The following ATP9A variants were observed in gnomAD, a reference collection of about 807,000 sequenced individuals.
ATP9A encodes ATPase phospholipid transporting 9A, also known as probable phospholipid-transporting ATPase IIA.
Under a neutral mutation model 144.1 loss-of-function variants are expected in ATP9A, and 52 were observed. The observed-to-expected ratio is 0.36, with a 90% CI of 0.29 to 0.45. The LOEUF is 0.45. Among genes scored for constraint, ATP9A ranks in the 20% least tolerant of loss-of-function variants. ATP9A has a pLI of 1.00. For synonymous variants in ATP9A, 582 were observed against 557.4 expected (o/e 1.04, Z -0.62); for missense variants, 947 against 1,392.7 (o/e 0.68, Z 5.09).
intron 2 of ATP9A, 54 bp from the exon 3 acceptor site, chr20:51,725,986 C>A (rs563647520): frequency 2.8e-6 from 3 of 1,068,328 alleles, no homozygotes; most frequent in Non-Finnish European, 2.9e-6. Flanking sequence ...CTGATGAGAT[C>A]TGGAACATTT....
intron 8 of ATP9A, among the ~76,000 whole-genome samples, chr20:51,690,159 G>A (rs1396645757): frequency 1.5e-5 from 2 of 135,362 alleles, no homozygotes; most frequent in African/African-American, 2.8e-5. Context: ...AGTGGCTCAT[G>A]CCTGTAATCC....
chr20:51,680,191 C>T (rs1055126068), intron 9 of ATP9A, among the ~76,000 whole-genome samples: 6 of 147,404 alleles, frequency 4.1e-5, no homozygotes, highest in African/African-American at 1.5e-4. Context: ...GATCGCACCA[C>T]TGCACGCCAG....
intron 11 of ATP9A, among the ~76,000 whole-genome samples, chr20:51,672,044 C>G (rs1457590665): frequency 1.8e-4 from 27 of 152,136 alleles, no homozygotes; most frequent in Admixed American, 1.7e-3. Flanking sequence ...AAGTGATCCA[C>G]CCGTCTTGGC....
intron 9 of ATP9A, among the ~76,000 whole-genome samples, chr20:51,682,877 G>C (rs2077506310): frequency 6.7e-6 from 1 of 149,232 alleles, no homozygotes; most frequent in African/African-American, 2.5e-5. Flanking sequence ...ACAGGCCTGA[G>C]TCACCGCATT....
intron 1 of ATP9A, among the ~76,000 whole-genome samples, chr20:51,747,429 G>A (rs954502345): frequency 2.6e-5 from 4 of 152,132 alleles, no homozygotes; most frequent in African/African-American, 9.7e-5. Flanking sequence ...GGCACCCCCT[G>A]TGCAATGGAT....
At chr20:51,630,756 G>A (rs1477299326) in intron 15 of ATP9A, among the ~76,000 whole-genome samples, 3 of 152,106 alleles carry the variant, frequency 2.0e-5, no homozygotes, top group African/African-American at 7.2e-5. Flanking sequence ...CTTCTGATTA[G>A]CCCAGTCCCA....
At chr20:51,654,006 A>C (rs1481281639) in intron 14 of ATP9A, among the ~76,000 whole-genome samples, 1 of 152,216 alleles carries the variant, frequency 6.6e-6, no homozygotes, top group Non-Finnish European at 1.5e-5. Flanking sequence ...GCCAAGCCAC[A>C]GAAAGAAGAA....
chr20:51,729,161 G>A (rs1021038063), intron 2 of ATP9A, among the ~76,000 whole-genome samples: 6 of 152,184 alleles, frequency 3.9e-5, no homozygotes, highest in Admixed American at 3.3e-4. Flanking sequence ...CATGTGTCAT[G>A]ATGGGGGGAA....
At chr20:51,644,639 TTAAA>T (rs915264745) in intron 14 of ATP9A, among the ~76,000 whole-genome samples, 9 of 152,114 alleles carry the variant, frequency 5.9e-5, no homozygotes, top group African/African-American at 2.2e-4. Context: ...TTAACTTTAA[TTAAA>T]TAAACATCCC....
At chr20:51,606,087 G>A (rs2077162453) in intron 26 of ATP9A, among the ~76,000 whole-genome samples, 1 of 151,920 alleles carries the variant, frequency 6.6e-6, no homozygotes, top group Non-Finnish European at 1.5e-5. Context: ...GGCCAACATG[G>A]TGAAACCCCC....
intron 13 of ATP9A, among the ~76,000 whole-genome samples, chr20:51,665,990 T>C (rs867827523): frequency 1.3e-4 from 20 of 152,170 alleles, no homozygotes; most frequent in Middle Eastern, 3.4e-3. Flanking sequence ...ACTGGGAAAA[T>C]AAACAACTGT....
intron 25 of ATP9A, 43 bp downstream of exon 25, chr20:51,608,474 CA>C (rs1568782872): frequency 2.3e-6 from 3 of 1,289,666 alleles, no homozygotes; most frequent in South Asian, 2.4e-5. Context: ...AAGGGAAAAG[CA>C]AAGGAGGAAA....
chr20:51,651,494 G>A (rs548227915), intron 14 of ATP9A, among the ~76,000 whole-genome samples: 1 of 150,052 alleles, frequency 6.7e-6, no homozygotes, highest in African/African-American at 2.4e-5. Context: ...ACATTTAGAA[G>A]GAGTCTGAGA....
intron 7 of ATP9A, among the ~76,000 whole-genome samples, chr20:51,691,817 A>C (rs944933467): frequency 6.6e-6 from 1 of 152,358 alleles, no homozygotes; most frequent in Middle Eastern, 3.4e-3. Flanking sequence ...AGCATTATTC[A>C]CAATAGCCAG....
At chr20:51,663,276 C>T (rs982572985) in intron 13 of ATP9A, among the ~76,000 whole-genome samples, 1 of 152,130 alleles carries the variant, frequency 6.6e-6, no homozygotes, top group South Asian at 2.1e-4. Flanking sequence ...TCTATCCAGA[C>T]ACACAAAGGC....
At chr20:51,695,466 G>GGAA (rs1555837684) in intron 6 of ATP9A, among the ~76,000 whole-genome samples, 1 of 124,998 alleles carries the variant, frequency 8.0e-6, no homozygotes, top group Non-Finnish European at 1.6e-5. Context: ...CGGTCTCAAG[G>GGAA]AAAAAAAAAA....
chr20:51,623,327 G>C (rs987790529), intron 18 of ATP9A, among the ~76,000 whole-genome samples: 2 of 152,226 alleles, frequency 1.3e-5, no homozygotes, highest in Non-Finnish European at 2.9e-5. Context: ...TGCACGACAT[G>C]GCTAATGTCC....
At chr20:51,712,074 CTTT>C (rs74175572) in intron 4 of ATP9A, among the ~76,000 whole-genome samples, 1 of 98,812 alleles carries the variant, frequency 1.0e-5, no homozygotes, top group Non-Finnish European at 2.1e-5. Context: ...CCAGGCTGGT[CTTT>C]TTTTTTTTTT....
Position 51,601,284 on chromosome 20 carries a change from C to G in ATP9A, c.3071G>C (p.Cys1024Ser). The G allele has an allele frequency of 1.2e-6, 2 of 1,613,742 alleles. No homozygotes were observed. Among genetic ancestry groups the G allele is most frequent in the Non-Finnish European group, 1.7e-6 (2 of 1,179,828 alleles). ...GTACTTGAGGACATAGAGGGGGAGG[C>G]AGCTGACCAGAGTGATGACGGAGAC... ...WKVSVITLVS[C>S]LPLYVLKYLR... Residue 1024 changes from cysteine to serine, a missense_variant, in exon 28 of 28, where the codon TGC becomes TCC. Around this residue, in one of 2 missense-constraint regions of ATP9A, gnomAD observed 177 missense variants for 344.9 expected, o/e 0.51. Coordinates refer to ENST00000338821, the MANE Select transcript of ATP9A (RefSeq NM_006045.3).
Sources: gnomAD v4.1 joint callset for allele counts (sites outside exome capture counted in the v4.1 genomes callset) on GRCh38, gnomAD v4.1.1 for gene constraint, gnomAD v4.1.1 regional missense constraint, MANE v1.5 for transcripts, NCBI Gene and HGNC (gene_info 2026-07-23, HGNC 2026-07-21) for gene names.